Variants in MED23 observed in about 807,000 individuals in gnomAD.
The protein encoded by MED23 is mediator complex subunit 23, also known as mediator of RNA polymerase II transcription subunit 23.
Under a neutral mutation model 163.9 loss-of-function variants are expected in MED23, and 105 were observed. The observed-to-expected ratio is 0.64, with a 90% confidence interval of 0.55 to 0.75. The LOEUF (loss-of-function observed/expected upper bound fraction) is 0.75. Ranked by LOEUF, MED23 falls within the 30% of genes least tolerant of loss-of-function variation. MED23 has a pLI of 0.00. For synonymous variants in MED23, 561 were observed against 565.6 expected, an observed-to-expected ratio of 0.99 and a Z score of 0.12; for missense variants, 1,054 against 1,649.0, an observed-to-expected ratio of 0.64 and a Z score of 6.25.
chr6:131,608,652 G>A (rs1028217002), intron 11 of MED23, among the ~76,000 whole-genome samples: 22 of 151,936 alleles, frequency 1.4e-4, no homozygotes, highest in African/African-American at 4.8e-4. Context: ...GCAATCCACC[G>A]GCTTCGGCCT....
intron 11 of MED23, among the ~76,000 whole-genome samples, chr6:131,609,603 C>T (rs1417528466): frequency 1.4e-5 from 2 of 142,206 alleles, no homozygotes; most frequent in East Asian, 4.2e-4. Flanking sequence ...ACCTTAGGGA[C>T]TATTACCTTT....
intron 30 of MED23, among the ~76,000 whole-genome samples, chr6:131,574,853 G>T (rs1419506126): frequency 1.3e-5 from 2 of 152,140 alleles, no homozygotes; most frequent in Non-Finnish European, 2.9e-5. Context: ...TTAAAAAAAA[G>T]CCCAGAGAGG....
rs371127296 is a variant in MED23, at chr6:131,594,339, C to T, written c.2996-4G>A. ...TACAGATAAGTCACTGGACGATCTG[C>T]CAAGAAAAAAACATACCACCACAAT... On this transcript the variant is annotated splice_region_variant and splice_polypyrimidine_tract_variant and intron_variant, in intron 22 of 28. Transcript: ENST00000368068. The T allele has an allele frequency of 1.1e-5, 18 of 1,604,908 alleles. No individual in the cohort carries two copies. The African/African-American group carries it at 2.0e-4, about 18-fold the overall frequency.
chr6:131,620,657 GT>G lies in MED23; in HGVS notation c.567del (p.Lys189AsnfsTer16), dbSNP rs1193742478. 1 of 1,612,534 alleles carries G rather than the reference GT, an allele frequency of 6.2e-7. No individual in the cohort carries two copies. The highest frequency in any genetic ancestry group is 1.7e-5 in the Admixed American group (1 of 59,976). On this transcript the variant is annotated frameshift_variant, in exon 7 of 29. Coordinates refer to ENST00000368068, the MANE Select transcript of MED23 (RefSeq NM_004830.4). LOFTEE classifies it high-confidence loss of function. The stretch of plus-strand genomic sequence containing the variant: ...TGTGGAAGTTTGCCTTCAGGATACA[GT>G]TTCCTGATCTCAGTGACTGCAAAAT... ...PAYFAVTEIR[K>X]LYPEGKLPHW...
Position 131,603,018 on chromosome 6 carries a change from C to T in MED23, c.1931+12G>A, listed in dbSNP as rs1370501084. ...ATAAATCTTAAGGAAAGATGGTCTT[C>T]AATGAGCTCACCAAAGATGGAGCTG... On this transcript the variant is annotated intron_variant, in intron 16 of 28. Coordinates refer to ENST00000368068, the MANE Select transcript of MED23 (RefSeq NM_004830.4). 6.8e-6 allele frequency: 11 copies of T among 1,613,148 alleles called. No homozygotes were observed. The South Asian group carries it at 1.1e-4, about 16-fold the overall frequency.
Position 131,618,509 on chromosome 6 carries a change from A to G in MED23, c.678T>C (p.Ser226=), listed in dbSNP as rs1018102013. Residue 226 remains serine (S), a synonymous_variant, in exon 9 of 29, where the codon AGT becomes AGC. Transcript: ENST00000368068. The part of the protein sequence containing the change: ...ARINSICGRC[S]LLPVVNNSGA... ...CCGAATTATTTACAACTGGCAGAAG[A>G]CTACAGCGACCTGTATGTATTACAA... 1 of 1,612,098 alleles carries G rather than the reference A, an allele frequency of 6.2e-7. No individual in the cohort carries two copies. The highest frequency in any genetic ancestry group is 8.5e-7 in the Non-Finnish European group (1 of 1,178,168).
rs1409576497 is a variant in MED23, at chr6:131,597,489, A to AG, written c.2607+797_2607+798insC. On this transcript the variant is annotated intron_variant, in intron 20 of 28. Coordinates refer to ENST00000368068, the MANE Select transcript of MED23 (RefSeq NM_004830.4). The stretch of plus-strand genomic sequence containing the variant: ...AGACTCCATATCAAAAAAAAAAAAA[A>AG]AAAAAAAAGAAAAAAAAAATTCTGC... 4.0e-5 allele frequency among the ~76,000 whole-genome samples: 6 copies of AG among 150,882 alleles called. No homozygotes were observed. The South Asian group carries it at 1.3e-3, about 32-fold the overall frequency.
chr6:131,598,073 G>C lies in MED23; in HGVS notation c.2607+214C>G, dbSNP rs1775201280. Among the ~76,000 whole-genome samples the C allele has an allele frequency of 6.6e-6, 1 of 150,716 alleles. No individual in the cohort carries two copies. Among genetic ancestry groups the C allele is most frequent in the South Asian group, 2.1e-4 (1 of 4,830 alleles). On this transcript the variant is annotated intron_variant, in intron 20 of 28. Coordinates refer to ENST00000368068, the MANE Select transcript of MED23 (RefSeq NM_004830.4). This position sits in a 1 kb window ranked among gnomAD's most constrained non-coding sequence, Gnocchi z 4.7. ...GATCACGCCACTGCACTGGGCGACAGAGCGAGACCCTGTCTCAAAAAACAA... is the reference window on the plus strand; with the variant it reads ...GATCACGCCACTGCACTGGGCGACACAGCGAGACCCTGTCTCAAAAAACAA...
rs757429079 is a variant in MED23, at chr6:131,592,431, G to A, written c.3428C>T (p.Thr1143Ile). The A allele has an allele frequency of 1.9e-6, 3 of 1,614,010 alleles. No individual in the cohort carries two copies. Among genetic ancestry groups the A allele is most frequent in the Non-Finnish European group, 2.5e-6 (3 of 1,179,962 alleles). ...SQPLVPRENI[T>I]AWMNAIGLII... is the part of the protein sequence containing the mutation. ...CAAACCAATTGCATTCATCCATGCT[G>A]TAATGTTCTCTCTTGGCACTAAAGG... is the stretch of plus-strand genomic sequence containing the variant. Residue 1143 changes from threonine (T) to isoleucine (I), a missense_variant, in exon 25 of 29, where the codon ACA becomes ATA. Physicochemically the swap from Thr to Ile is moderately conservative, Grantham distance 89. Around this residue, in one of 11 missense-constraint regions of MED23, gnomAD observed 362 missense variants for 471.6 expected, o/e 0.77. Coordinates refer to ENST00000368068, the MANE Select transcript of MED23 (RefSeq NM_004830.4).
At chr6:131,574,820 A>G (rs934735537) in intron 30 of MED23, among the ~76,000 whole-genome samples, 2 of 152,188 alleles carry the variant, frequency 1.3e-5, no homozygotes, top group Admixed American at 6.5e-5. Flanking sequence ...TAAGGTAGGT[A>G]TTATTTTTAC....
At chr6:131,590,917 G>A (rs1039909781) in intron 26 of MED23, among the ~76,000 whole-genome samples, 15 of 141,808 alleles carry the variant, frequency 1.1e-4, no homozygotes, top group African/African-American at 3.6e-4. Context: ...GCGCCCAGCC[G>A]CAAGTTGTTC....
At position 131,602,364 on chromosome 6, in the gene MED23, A is replaced by G. The variant is rs1775548399; in HGVS notation, c.1949T>C (p.Leu650Pro). Residue 650 changes from leucine (L) to proline (P), a missense_variant, in exon 17 of 29, where the codon CTC becomes CCC. Coordinates refer to ENST00000368068, the MANE Select transcript of MED23 (RefSeq NM_004830.4). ...QLHLCVESTA[L>P]RLITALGSSE... ...GCTACCTAATGCTGTTATAAGCCTGAGAGCAGTGCTCTCGACACTGAAAAT... is the reference window on the plus strand; with the variant it reads ...GCTACCTAATGCTGTTATAAGCCTGGGAGCAGTGCTCTCGACACTGAAAAT... The G allele has an allele frequency of 6.2e-7, 1 of 1,613,652 alleles. No homozygotes were observed. The highest frequency in any genetic ancestry group is 1.7e-5 in the Admixed American group (1 of 59,960).
In MED23 at chr6:131,628,149, A is replaced by G; in HGVS notation, c.-100T>C. On this transcript the variant is annotated 5_prime_UTR_variant, in exon 1 of 29. Transcript: ENST00000368068. Reference sequence around the variant, plus strand: ...CAGAGGGGCGGAGACCTCTGGAGGAAACCGTAGCTCCTCGGCGTCGCTTCC... The same window carrying G: ...CAGAGGGGCGGAGACCTCTGGAGGAGACCGTAGCTCCTCGGCGTCGCTTCC... 2 of 1,386,216 alleles carry G rather than the reference A, an allele frequency of 1.4e-6. No individual in the cohort carries two copies. Among genetic ancestry groups the G allele is most frequent in the Non-Finnish European group, 2.0e-6 (2 of 980,452 alleles). The allele number at this position is 1,386,216 out of a possible 1,614,324, so 85.9% of individuals were successfully genotyped here.
intron 10 of MED23, among the ~76,000 whole-genome samples, chr6:131,611,011 T>G (rs1263434343): frequency 6.6e-6 from 1 of 152,172 alleles, no homozygotes; most frequent in Non-Finnish European, 1.5e-5. Flanking sequence ...CTTTTAAAAG[T>G]GATTTAAAAA....
chr6:131,602,928 AAT>A, intron 16 of MED23, 100 bp downstream of exon 16: 2 of 1,245,508 alleles, frequency 1.6e-6, no homozygotes, highest in Non-Finnish European at 2.3e-6. Context: ...GATGAATAAT[AAT>A]AAAAAAAAAA....
chr6:131,589,314 T>C (rs1774414071), intron 28 of MED23, 151 bp downstream of exon 28: 1 of 655,100 alleles, frequency 1.5e-6, no homozygotes, highest in Non-Finnish European at 2.7e-6. Context: ...ATGCCTCTGA[T>C]GCCTAAAAAG....
At chr6:131,586,478 G>A (rs117448757), downstream of MED23, among the ~76,000 whole-genome samples, 1 of 152,220 alleles carries the variant, frequency 6.6e-6, no homozygotes, top group Non-Finnish European at 1.5e-5. Flanking sequence ...GACTTGCATG[G>A]CCAGTAATGA....
At chr6:131,614,033 G>A (rs756378716) in intron 10 of MED23, among the ~76,000 whole-genome samples, 4 of 152,092 alleles carry the variant, frequency 2.6e-5, no homozygotes, top group Non-Finnish European at 5.9e-5. Context: ...TTAAAACATA[G>A]CATGAAGCAT....
chr6:131,594,179 C>T lies in MED23; in HGVS notation c.3152G>A (p.Cys1051Tyr). ...ATTTTCCTCTCGTGCATTCATAGCG[C>T]ATTTCAGGTAAGTGTCACTTAGACA... ...GWCLSDTYLK[C>Y]AMNAREENPW... Residue 1051 changes from cysteine to tyrosine, a missense_variant, in exon 23 of 29, where the codon TGC (cysteine) becomes TAC (tyrosine). By Grantham distance (194) the Cys-to-Tyr change is radical. This residue lies in a region of MED23 where 362 missense variants were observed against 471.6 expected (regional missense o/e 0.77). Transcript: ENST00000368068. 6.2e-7 allele frequency: 1 copy of T among 1,614,136 alleles called. No individual in the cohort carries two copies. The highest frequency in any genetic ancestry group is 8.5e-7 in the Non-Finnish European group (1 of 1,180,022).
Sources: allele counts gnomAD v4.1 joint callset (sites outside exome capture counted in the v4.1 genomes callset), GRCh38; gene constraint gnomAD v4.1.1; regional missense constraint gnomAD v4.1.1; non-coding constraint Gnocchi (gnomAD v3.1); transcripts MANE v1.5; gene names NCBI Gene and HGNC (gene_info 2026-07-23, HGNC 2026-07-21).